Variants in PAFAH1B1 observed in about 807,000 individuals in gnomAD.
The protein encoded by PAFAH1B1 is platelet activating factor acetylhydrolase 1b regulatory subunit 1.
PAFAH1B1 carries 2 observed loss-of-function variants against 57.5 expected under a neutral mutation model. The observed-to-expected ratio is 0.03, with a 90% CI of 0.01 to 0.11. The LOEUF (loss-of-function observed/expected upper bound fraction) is 0.11. Ranked by LOEUF, PAFAH1B1 falls within the 10% of genes least tolerant of loss-of-function variation. The probability of loss-of-function intolerance (pLI) is 1.00; values close to 1 mark genes in which losing one functional copy is unlikely to be tolerated. For synonymous variants in PAFAH1B1, 152 were observed against 169.6 expected (o/e 0.90, Z 0.81); for missense variants, 257 against 512.0 (o/e 0.50, Z 4.81).
rs1030120183 is a variant in PAFAH1B1 at position 2,596,216 on chromosome 17, A to G, written c.-191+2210A>G. Among the ~76,000 whole-genome samples, 8 of 152,134 alleles carry G rather than the reference A, an allele frequency of 5.3e-5. No individual in the cohort carries two copies. In the East Asian group the frequency reaches 1.4e-3, roughly 26 times the overall value. ...TTAATATATAAAGATACACACACAC[A>G]TATATCTACACTCTTGTTAATGTTT... On this transcript the variant is annotated intron_variant, in intron 1 of 10. Coordinates refer to ENST00000397195, the MANE Select transcript of PAFAH1B1 (RefSeq NM_000430.4).
chr17:2,643,031 A>G (rs6502438), intron 2 of PAFAH1B1, among the ~76,000 whole-genome samples: 150,880 of 152,286 alleles, frequency 0.99, 74,762 homozygotes, highest in Middle Eastern at 1. Flanking sequence ...ATAGATATAT[A>G]TCTTCTTATT....
Position 2,673,797 on chromosome 17 carries a change from C to T in PAFAH1B1, c.672-263C>T, listed in dbSNP as rs2317297. 0.88 allele frequency: 387,274 copies of T among 440,874 alleles called. 172,288 individuals carry two copies. The highest frequency in any genetic ancestry group is 0.92 in the Non-Finnish European group (221,634 of 240,822). 27.3% of individuals were successfully genotyped at this position (440,874 alleles called of 1,614,324 possible). A position where few individuals can be genotyped will look rare whatever the true frequency, so the allele number is the denominator to read the frequency against. On this transcript the variant is annotated intron_variant, in intron 7 of 10. Transcript: ENST00000397195. ...CTTTTTTCCAATATGGCTGGAAATA[C>T]TTTTAAGTGTGCATTTAGTTTTGAA... is the stretch of plus-strand genomic sequence containing the variant.
chr17:2,621,607 CTTTTTTTTTTTTTTTTTTTTTT>C lies in PAFAH1B1; in HGVS notation c.-190-16477_-190-16456del, dbSNP rs534219431. ...TATTCAAGCATGGTAGATAATCTGT[CTTTTTTTTTTTTTTTTTTTTTT>C]TTTTTTTTTTTTTTGAGACAGGGTC... On this transcript the variant is annotated intron_variant, in intron 1 of 10. Transcript: ENST00000397195. Among the ~76,000 whole-genome samples, 24 of 84,764 alleles carry C rather than the reference CTTTTTTTTTTTTTTTTTTTTTT, an allele frequency of 2.8e-4. 1 individual carries two copies. The highest frequency in any genetic ancestry group is 1.4e-3 in the African/African-American group (20 of 14,722). 55.6% of individuals were successfully genotyped at this position (84,764 alleles called of 152,430 possible).
chr17:2,649,802 T>C (rs879582388), intron 2 of PAFAH1B1, among the ~76,000 whole-genome samples: 3 of 152,116 alleles, frequency 2.0e-5, no homozygotes, highest in Non-Finnish European at 2.9e-5. Context: ...AAATGATAAA[T>C]GGGAAAGCAC....
At chr17:2,661,365 C>T (rs1264632628) in intron 2 of PAFAH1B1, among the ~76,000 whole-genome samples, 1 of 152,174 alleles carries the variant, frequency 6.6e-6, no homozygotes. Flanking sequence ...GGTCCAGTTT[C>T]AGTTTTCTGC....
At chr17:2,677,951 A>T (rs1260483104) in intron 9 of PAFAH1B1, among the ~76,000 whole-genome samples, 1 of 152,190 alleles carries the variant, frequency 6.6e-6, no homozygotes, top group Non-Finnish European at 1.5e-5. Flanking sequence ...TTAAGAAAAG[A>T]TGATATATAA....
chr17:2,675,186 A>G (rs2069243907), intron 8 of PAFAH1B1, among the ~76,000 whole-genome samples: 1 of 152,080 alleles, frequency 6.6e-6, no homozygotes, highest in Non-Finnish European at 1.5e-5. Context: ...TATTTTTAGT[A>G]GAAACAAGGT....
intron 2 of PAFAH1B1, among the ~76,000 whole-genome samples, chr17:2,664,919 A>G (rs922716953): frequency 6.6e-6 from 1 of 152,126 alleles, no homozygotes; most frequent in Non-Finnish European, 1.5e-5. Context: ...TAATATGAAA[A>G]TACTTTAGTT....
chr17:2,628,565 C>T (rs891721635), intron 1 of PAFAH1B1, among the ~76,000 whole-genome samples: 4 of 151,704 alleles, frequency 2.6e-5, no homozygotes, highest in Admixed American at 2.6e-4. Context: ...TTGTAGTTTC[C>T]TTTCCTGGTT....
At chr17:2,616,034 A>G (rs1387728859) in intron 1 of PAFAH1B1, among the ~76,000 whole-genome samples, 1 of 152,216 alleles carries the variant, frequency 6.6e-6, no homozygotes, top group African/African-American at 2.4e-5. Context: ...CGACGAAACA[A>G]GAATAGGATG....
chr17:2,666,036 G>A lies in PAFAH1B1; in HGVS notation c.138G>A (p.Lys46=), dbSNP rs1387278768. Residue 46 remains lysine, a synonymous_variant, in exon 4 of 11, where the codon AAG becomes AAA. Coordinates refer to ENST00000397195, the MANE Select transcript of PAFAH1B1 (RefSeq NM_000430.4). ...ELDVNEELDK[K]YAGLLEKKWT... ...TCTAGAATGAAGAATTAGATAAAAA[G>A]TATGCTGGTCTTTTGGAAAAAAAAT... is the stretch of plus-strand genomic sequence containing the variant. 6.6e-7 allele frequency: 1 copy of A among 1,518,952 alleles called. No homozygotes were observed. Among genetic ancestry groups the A allele is most frequent in the Non-Finnish European group, 9.0e-7 (1 of 1,111,356 alleles). 94.1% of individuals were successfully genotyped at this position (1,518,952 alleles called of 1,614,324 possible).
intron 7 of PAFAH1B1, chr17:2,673,622 G>A (rs953416225): frequency 5.3e-6 from 1 of 187,178 alleles, no homozygotes; most frequent in Non-Finnish European, 1.1e-5. Context: ...CTGGGCGACA[G>A]AGCGAGACTC....
intron 1 of PAFAH1B1, among the ~76,000 whole-genome samples, chr17:2,629,995 C>G (rs2068535745): frequency 6.6e-6 from 1 of 152,134 alleles, no homozygotes; most frequent in Non-Finnish European, 1.5e-5. Flanking sequence ...AGGTGAGTCT[C>G]CTGAACAGGA....
At chr17:2,622,384 A>G (rs2068435207) in intron 1 of PAFAH1B1, among the ~76,000 whole-genome samples, 1 of 152,196 alleles carries the variant, frequency 6.6e-6, no homozygotes, top group South Asian at 2.1e-4. Context: ...GGGTATAGGT[A>G]TTGGGTAAAT....
chr17:2,607,733 G>A (rs1386723603), intron 1 of PAFAH1B1, among the ~76,000 whole-genome samples: 1 of 152,060 alleles, frequency 6.6e-6, no homozygotes, highest in East Asian at 1.9e-4. Flanking sequence ...TGATCCACCT[G>A]CCTCAGCCTC....
chr17:2,608,090 C>CTTT (rs1005742407), intron 1 of PAFAH1B1, among the ~76,000 whole-genome samples: 1 of 146,874 alleles, frequency 6.8e-6, no homozygotes, highest in East Asian at 2.0e-4. Context: ...TTTTCTTTTT[C>CTTT]TTTTTTTTTT....
intron 2 of PAFAH1B1, among the ~76,000 whole-genome samples, chr17:2,663,161 C>A (rs1597565592): frequency 6.6e-6 from 1 of 151,950 alleles, no homozygotes; most frequent in Non-Finnish European, 1.5e-5. Flanking sequence ...ACCTGTAGTC[C>A]CAGCTACTGG....
intron 1 of PAFAH1B1, among the ~76,000 whole-genome samples, chr17:2,606,397 C>T (rs1015831475): frequency 3.9e-5 from 6 of 152,014 alleles, no homozygotes; most frequent in African/African-American, 1.4e-4. Context: ...CGAAGTTTCA[C>T]TCTTGTCGCC....
At chr17:2,601,407 A>T (rs1462916021) in intron 1 of PAFAH1B1, among the ~76,000 whole-genome samples, 1 of 151,474 alleles carries the variant, frequency 6.6e-6, no homozygotes, top group Non-Finnish European at 1.5e-5. Context: ...TGCTAGGAGT[A>T]CAGGCATGAG....
Sources: gnomAD v4.1 joint callset for allele counts (sites outside exome capture counted in the v4.1 genomes callset) on GRCh38, gnomAD v4.1.1 for gene constraint, MANE v1.5 for transcripts, NCBI Gene and HGNC (gene_info 2026-07-23, HGNC 2026-07-21) for gene names.